CPVL: variants seen among roughly 807,000 people sequenced by gnomAD.
CPVL encodes probable serine carboxypeptidase CPVL.
A neutral mutation model predicts 63.7 loss-of-function variants in CPVL; 51 were observed. The observed-to-expected ratio is 0.80, with a 90% CI of 0.64 to 1.01. The LOEUF (loss-of-function observed/expected upper bound fraction) is 1.01, where lower values mean the gene tolerates loss of function less well. Ranked by LOEUF, CPVL falls within the 50% of genes least tolerant of loss-of-function variation. CPVL has a pLI of 0.00. For missense variants in CPVL, 530 were observed against 573.1 expected, an observed-to-expected ratio of 0.92 and a Z score of 0.77; for synonymous variants, 195 against 206.0, an observed-to-expected ratio of 0.95 and a Z score of 0.46.
intron 10 of CPVL, among the ~76,000 whole-genome samples, chr7:29,065,237 G>A (rs523077): frequency 0.85 from 129,461 of 152,240 alleles, 55,099 homozygotes; most frequent in South Asian, 0.91. Context: ...AGAAAAAAAG[G>A]TATCATCACA....
At chr7:29,094,371 G>C (rs1001059957) in intron 5 of CPVL, among the ~76,000 whole-genome samples, 1 of 151,702 alleles carries the variant, frequency 6.6e-6, no homozygotes, top group Non-Finnish European at 1.5e-5. Flanking sequence ...AAAAAGTGGA[G>C]ACCCATTTTG....
intron 12 of CPVL, chr7:29,008,874 A>C (rs1785485989): frequency 6.6e-6 from 1 of 152,090 alleles, no homozygotes; most frequent in African/African-American, 2.4e-5. Flanking sequence ...AGTGAGAGGA[A>C]TTTTGTGAGA....
chr7:29,096,385 T>A, intron 3 of CPVL, 168 bp from the exon 4 acceptor site: 2 of 611,198 alleles, frequency 3.3e-6, no homozygotes, highest in Non-Finnish European at 5.9e-6. Flanking sequence ...AAAGTACTGA[T>A]CATCTTTGGT....
chr7:29,047,672 T>C (rs995101521), intron 11 of CPVL, among the ~76,000 whole-genome samples: 4 of 152,022 alleles, frequency 2.6e-5, no homozygotes, highest in African/African-American at 2.4e-5. Context: ...GACATCCAAA[T>C]ACAAGAAGCA....
chr7:29,072,027 A>G, intron 8 of CPVL, 123 bp from the exon 9 acceptor site: 1 of 1,179,684 alleles, frequency 8.5e-7, no homozygotes, highest in East Asian at 2.4e-5. Context: ...GCCAAGTAGG[A>G]TAATTACATG....
intron 1 of CPVL, chr7:29,192,796 A>C (rs1411854974): frequency 6.6e-6 from 1 of 152,168 alleles, no homozygotes; most frequent in Non-Finnish European, 1.5e-5. Context: ...CCAGAGTTTG[A>C]ACCCAGTTGT....
chr7:29,162,201 C>G (rs1795266717), intron 5 of CPVL, among the ~76,000 whole-genome samples: 1 of 152,174 alleles, frequency 6.6e-6, no homozygotes, highest in African/African-American at 2.4e-5. Flanking sequence ...ATCTTATATT[C>G]ACACAAAAAC....
chr7:29,104,269 T>G (rs1488101076), intron 3 of CPVL, among the ~76,000 whole-genome samples: 2 of 152,202 alleles, frequency 1.3e-5, no homozygotes, highest in Non-Finnish European at 2.9e-5. Flanking sequence ...CTTTTTTGTT[T>G]TTTGTTTTTG....
intron 12 of CPVL, among the ~76,000 whole-genome samples, chr7:29,029,751 A>T (rs1402212583): frequency 2.0e-5 from 3 of 152,222 alleles, no homozygotes; most frequent in African/African-American, 7.2e-5. Context: ...TAGGGTGACT[A>T]TAGTTAAGAA....
At chr7:29,045,355 C>T (rs1789509913) in intron 11 of CPVL, among the ~76,000 whole-genome samples, 1 of 152,118 alleles carries the variant, frequency 6.6e-6, no homozygotes, top group Non-Finnish European at 1.5e-5. Flanking sequence ...AATGAACTCA[C>T]AAGGAACTCT....
Position 29,123,610 on chromosome 7 carries a change from AAAAAAAAAAAAAAAAAAAATAT to A in CPVL, c.-10-2561_-10-2540del, listed in dbSNP as rs1332866063. Reference sequence around the variant, plus strand: ...CTAACTGGTTCAGAAAAAAAAAAAAAAAAAAAAAAAAAAAAAAAATATATATATATATATATATATATATATG... The same window carrying A: ...CTAACTGGTTCAGAAAAAAAAAAAAAATATATATATATATATATATATATG... On this transcript the variant is annotated intron_variant, in intron 1 of 12. Transcript: ENST00000265394. Among the ~76,000 whole-genome samples the A allele has an allele frequency of 2.4e-3, 221 of 92,958 alleles. 1 individual carries two copies. The highest frequency in any genetic ancestry group is 9.5e-3 in the South Asian group (27 of 2,854). 61.0% of individuals were successfully genotyped at this position (92,958 alleles called of 152,430 possible). A position where few individuals can be genotyped will look rare whatever the true frequency, so the allele number is the denominator to read the frequency against.
In CPVL at chr7:29,120,882, AACTT is replaced by A; in HGVS notation, c.169+7_169+10del. ...TGCCAGTGGTTTTCTGATTTAATTA[AACTT>A]ACTTACCTTTTTGGATCTTCCCAGC... is the stretch of plus-strand genomic sequence containing the variant. On this transcript the variant is annotated splice_region_variant and intron_variant, in intron 2 of 12. Transcript: ENST00000265394. The A allele has an allele frequency of 6.2e-7, 1 of 1,607,954 alleles. No individual in the cohort carries two copies. The highest frequency in any genetic ancestry group is 8.5e-7 in the Non-Finnish European group (1 of 1,177,638).
intron 5 of CPVL, among the ~76,000 whole-genome samples, chr7:29,178,195 T>A (rs1184303436): frequency 2.0e-5 from 3 of 152,238 alleles, no homozygotes; most frequent in Admixed American, 6.5e-5. Flanking sequence ...CCGTGCACCC[T>A]GCTCTTCTTA....
At chr7:29,162,254 C>G (rs1249407276) in intron 5 of CPVL, among the ~76,000 whole-genome samples, 1 of 152,048 alleles carries the variant, frequency 6.6e-6, no homozygotes, top group Non-Finnish European at 1.5e-5. Context: ...CGGAAATGAC[C>G]CAAATGCTCT....
intron 9 of CPVL, among the ~76,000 whole-genome samples, chr7:29,067,655 T>G (rs62442605): frequency 6.6e-6 from 1 of 152,112 alleles, no homozygotes; most frequent in African/African-American, 2.4e-5. Flanking sequence ...AGGGGGGTTG[T>G]TGATGATGAT....
At chr7:29,129,318 G>GT (rs1318584006) in intron 1 of CPVL, among the ~76,000 whole-genome samples, 1 of 152,200 alleles carries the variant, frequency 6.6e-6, no homozygotes, top group African/African-American at 2.4e-5. Flanking sequence ...GATGGCACCT[G>GT]TTTTCTGCCC....
intron 3 of CPVL, among the ~76,000 whole-genome samples, chr7:29,097,948 C>T (rs913337086): frequency 6.6e-5 from 10 of 152,100 alleles, no homozygotes; most frequent in Non-Finnish European, 1.5e-4. Flanking sequence ...AAGGCACAGT[C>T]GCCAGGCGAA....
At chr7:29,018,283 T>C (rs552828986) in intron 12 of CPVL, among the ~76,000 whole-genome samples, 1 of 152,050 alleles carries the variant, frequency 6.6e-6, no homozygotes, top group Non-Finnish European at 1.5e-5. Flanking sequence ...GTGTTTTCTT[T>C]CTCCAGGACA....
intron 12 of CPVL, among the ~76,000 whole-genome samples, chr7:29,016,376 C>T (rs1786413965): frequency 6.6e-6 from 1 of 151,646 alleles, no homozygotes; most frequent in Non-Finnish European, 1.5e-5. Context: ...GTTTCCAGGA[C>T]CAGTAACCAG....
Sources: gnomAD v4.1 joint callset for allele counts (sites outside exome capture counted in the v4.1 genomes callset) on GRCh38, gnomAD v4.1.1 for gene constraint, MANE v1.5 for transcripts, NCBI Gene and HGNC (gene_info 2026-07-23, HGNC 2026-07-21) for gene names.